Variants in FPR3 observed in about 807,000 individuals in gnomAD.
FPR3 encodes N-formyl peptide receptor 3.
For synonymous variants in FPR3, 135 were observed against 163.6 expected (o/e 0.83, Z 1.34); for missense variants, 346 against 443.2 (o/e 0.78, Z 1.97).
intron 1 of FPR3, among the ~76,000 whole-genome samples, chr19:51,817,337 A>G (rs1042397170): frequency 1.3e-5 from 2 of 152,190 alleles, no homozygotes; most frequent in East Asian, 1.9e-4. Flanking sequence ...CTAAAGTTCT[A>G]TGTCACCAAA....
intron 1 of FPR3, among the ~76,000 whole-genome samples, chr19:51,819,936 A>G (rs2084175573): frequency 6.6e-6 from 1 of 152,186 alleles, no homozygotes; most frequent in Non-Finnish European, 1.5e-5. Flanking sequence ...ATTTCTTGGG[A>G]AGACGAGAGA....
chr19:51,805,909 CA>C lies in FPR3; in HGVS notation c.-11+10579del, dbSNP rs1376085218. Among the ~76,000 whole-genome samples, 8 of 152,238 alleles carry C rather than the reference CA, an allele frequency of 5.3e-5. No homozygotes were observed. The East Asian group carries it at 9.7e-4, about 18-fold the overall frequency. ...GCAGCCCAAGCCTCGGACAGATTAA[CA>C]GGAATCCCTAGCCCAGGGATGCAAC... is the stretch of plus-strand genomic sequence containing the variant. On this transcript the variant is annotated intron_variant, in intron 1 of 1. Transcript: ENST00000339223.
At chr19:51,813,823 C>T (rs139858556) in intron 1 of FPR3, among the ~76,000 whole-genome samples, 220 of 152,186 alleles carry the variant, frequency 1.4e-3, no homozygotes, top group African/African-American at 4.9e-3. Flanking sequence ...CATAAGCCAC[C>T]GCAGCTGGCC....
chr19:51,813,288 G>C (rs1279682159), intron 1 of FPR3, among the ~76,000 whole-genome samples: 2 of 152,068 alleles, frequency 1.3e-5, no homozygotes, highest in Non-Finnish European at 2.9e-5. Flanking sequence ...CATGGTAAAA[G>C]GGAAAGACAA....
chr19:51,803,753 T>A (rs1171603078), intron 1 of FPR3: 1 of 152,184 alleles, frequency 6.6e-6, no homozygotes, highest in Non-Finnish European at 1.5e-5. Flanking sequence ...GATGGGCTAA[T>A]TAATAGACTC....
intron 1 of FPR3, chr19:51,817,723 A>G (rs559490192): frequency 6.6e-6 from 1 of 152,344 alleles, no homozygotes; most frequent in Non-Finnish European, 1.5e-5. Context: ...AATAAAGCCA[A>G]TAAAAACTTT....
At chr19:51,810,696 G>A (rs908318433) in intron 1 of FPR3, among the ~76,000 whole-genome samples, 5 of 152,176 alleles carry the variant, frequency 3.3e-5, no homozygotes, top group African/African-American at 1.2e-4. Context: ...CGCATCAAGT[G>A]TCTCACATCA....
rs761476450 is a variant in FPR3, at chr19:51,797,950, C to CA, written c.-11+2620dup. ...AAGCTGGAGTGTAGTGGTGCAATCT[C>CA]AGCTCACTGCAACCTCTGCCTCCTG... On this transcript the variant is annotated intron_variant, in intron 1 of 1. Transcript: ENST00000339223. Among the ~76,000 whole-genome samples the CA allele has an allele frequency of 1.1e-3, 131 of 122,362 alleles. 2 individuals are homozygous for CA. The highest frequency in any genetic ancestry group is 1.3e-3 in the Non-Finnish European group (83 of 63,186). 80.3% of individuals were successfully genotyped at this position (122,362 alleles called of 152,430 possible).
At chr19:51,800,132 G>A (rs577321155) in intron 1 of FPR3, among the ~76,000 whole-genome samples, 2 of 152,310 alleles carry the variant, frequency 1.3e-5, no homozygotes, top group Admixed American at 1.3e-4. Flanking sequence ...CCTGTGACAC[G>A]GCAACTGCAC....
At chr19:51,822,302 G>A (rs1162557623) in intron 1 of FPR3, among the ~76,000 whole-genome samples, 1 of 152,160 alleles carries the variant, frequency 6.6e-6, no homozygotes, top group African/African-American at 2.4e-5. Context: ...AAAGCAAAAG[G>A]AATTCTAGTT....
chr19:51,806,179 CT>C (rs1477252310), intron 1 of FPR3, among the ~76,000 whole-genome samples: 1 of 152,154 alleles, frequency 6.6e-6, no homozygotes, highest in Non-Finnish European at 1.5e-5. Flanking sequence ...TGCACTCAGG[CT>C]CAGCTGACTC....
intron 1 of FPR3, among the ~76,000 whole-genome samples, chr19:51,806,126 A>G (rs191525625): frequency 6.9e-4 from 105 of 152,336 alleles, no homozygotes; most frequent in Middle Eastern, 3.4e-3. Flanking sequence ...CAAATGTAAC[A>G]TTAAGACTGT....
intron 1 of FPR3, 118 bp downstream of exon 1, chr19:51,795,449 A>T (rs1443217613): frequency 6.7e-6 from 1 of 149,104 alleles, no homozygotes; most frequent in East Asian, 2.0e-4. Context: ...GTATGAAAAC[A>T]ATGTTAACTA....
At chr19:51,798,480 A>C (rs1258151668) in intron 1 of FPR3, among the ~76,000 whole-genome samples, 1 of 152,210 alleles carries the variant, frequency 6.6e-6, no homozygotes, top group East Asian at 1.9e-4. Flanking sequence ...TAATGATAGG[A>C]AAAAAGAAGG....
intron 1 of FPR3, among the ~76,000 whole-genome samples, chr19:51,821,262 A>G (rs1217105057): frequency 1.3e-5 from 2 of 152,218 alleles, no homozygotes; most frequent in African/African-American, 2.4e-5. Flanking sequence ...GGTGCCAACG[A>G]TAAGAGTAGC....
intron 1 of FPR3, among the ~76,000 whole-genome samples, chr19:51,814,290 C>T (rs2084118390): frequency 6.6e-6 from 1 of 152,132 alleles, no homozygotes; most frequent in Non-Finnish European, 1.5e-5. Context: ...CCGATTTAGA[C>T]CTTTAACTCT....
intron 1 of FPR3, among the ~76,000 whole-genome samples, 181 bp downstream of exon 1, chr19:51,795,512 T>C (rs2083992243): frequency 8.8e-6 from 1 of 114,092 alleles, no homozygotes; most frequent in South Asian, 3.6e-4. Context: ...TTCTTTTTTT[T>C]TTTTTTTTTT....
chr19:51,809,944 G>T (rs2084085392), intron 1 of FPR3, among the ~76,000 whole-genome samples: 1 of 152,052 alleles, frequency 6.6e-6, no homozygotes, highest in Non-Finnish European at 1.5e-5. Flanking sequence ...CCCAGCAGGG[G>T]GGTGCCATTC....
At chr19:51,800,748 C>G (rs2084022958) in intron 1 of FPR3, among the ~76,000 whole-genome samples, 1 of 152,064 alleles carries the variant, frequency 6.6e-6, no homozygotes, top group East Asian at 1.9e-4. Context: ...CTCTCAATAC[C>G]ATTTTTTTTT....
Sources: allele counts gnomAD v4.1 joint callset (sites outside exome capture counted in the v4.1 genomes callset), GRCh38; gene constraint gnomAD v4.1.1; transcripts MANE v1.5; gene names NCBI Gene and HGNC (gene_info 2026-07-23, HGNC 2026-07-21).